The following TNIK variants were observed in gnomAD, a reference collection of about 807,000 sequenced individuals.
TNIK encodes TRAF2 and NCK-interacting protein kinase.
Under a neutral mutation model 191.3 loss-of-function variants are expected in TNIK, and 49 were observed. That is an observed-to-expected ratio of 0.26 (90% CI 0.20 to 0.32). The LOEUF (loss-of-function observed/expected upper bound fraction) is 0.32, where lower values mean the gene tolerates loss of function less well. Ranked by LOEUF, TNIK falls within the 10% of genes least tolerant of loss-of-function variation. The pLI is 1.00. For synonymous variants in TNIK, 594 were observed against 600.9 expected (o/e 0.99, Z 0.17); for missense variants, 1,155 against 1,702.3 (o/e 0.68, Z 5.66).
At chr3:171,241,651 A>G (rs1175339446) in intron 2 of TNIK, among the ~76,000 whole-genome samples, 1 of 152,242 alleles carries the variant, frequency 6.6e-6, no homozygotes, top group Non-Finnish European at 1.5e-5. Context: ...ATAGAAGCAG[A>G]GGTAACTGCA....
At chr3:171,337,072 C>CT (rs1036232796) in intron 2 of TNIK, among the ~76,000 whole-genome samples, 2 of 152,218 alleles carry the variant, frequency 1.3e-5, no homozygotes, top group African/African-American at 2.4e-5. Flanking sequence ...GAAGTACCTA[C>CT]TGCCCACCCC....
intron 4 of TNIK, among the ~76,000 whole-genome samples, chr3:171,199,247 T>C (rs1490454680): frequency 6.7e-6 from 1 of 150,164 alleles, no homozygotes; most frequent in East Asian, 1.9e-4. Context: ...TAGCAATTGG[T>C]TCCTACAGCC....
At chr3:171,311,271 C>A (rs150356290) in intron 2 of TNIK, among the ~76,000 whole-genome samples, 4 of 151,280 alleles carry the variant, frequency 2.6e-5, no homozygotes, top group Non-Finnish European at 4.4e-5. Context: ...TAGTTTTGCG[C>A]GAAGTATTTG....
chr3:171,121,544 G>A (rs574150279), intron 18 of TNIK, among the ~76,000 whole-genome samples: 2 of 152,356 alleles, frequency 1.3e-5, no homozygotes, highest in South Asian at 4.1e-4. Context: ...ACCACGTGGA[G>A]CAAGAGGTAC....
rs1222531313 is a variant in TNIK, at chr3:171,068,848, A to G, written c.3699T>C (p.His1233=). The G allele has an allele frequency of 1.2e-6, 2 of 1,612,418 alleles. No individual in the cohort carries two copies. The highest frequency in any genetic ancestry group is 1.7e-5 in the Admixed American group (1 of 59,854). Reference sequence around the variant, plus strand: ...TGAAAGTCTACTTCTGAGTACTTACATGAGATGGTATGTAGATATCATAAG... The same window carrying G: ...TGAAAGTCTACTTCTGAGTACTTACGTGAGATGGTATGTAGATATCATAAG... ...GNSYDIYIPS[H]IQGNITPHAI... is the part of the protein sequence containing the mutation. The change falls in exon 30 of 33, where the codon CAT becomes CAC. Residue 1233 remains histidine, a splice_region_variant and synonymous_variant. Coordinates refer to ENST00000436636, the MANE Select transcript of TNIK (RefSeq NM_015028.4).
intron 15 of TNIK, among the ~76,000 whole-genome samples, chr3:171,130,128 T>G (rs1560155875): frequency 6.6e-6 from 1 of 152,234 alleles, no homozygotes; most frequent in Non-Finnish European, 1.5e-5. Flanking sequence ...CTAAAAGTCT[T>G]TATTCATTTT....
At chr3:171,219,609 G>A (rs1340664683) in intron 3 of TNIK, among the ~76,000 whole-genome samples, 1 of 152,064 alleles carries the variant, frequency 6.6e-6, no homozygotes, top group Non-Finnish European at 1.5e-5. Context: ...CTCAAAAGAA[G>A]ACATTTATGC....
intron 15 of TNIK, among the ~76,000 whole-genome samples, chr3:171,136,544 A>G (rs1009945950): frequency 7.9e-5 from 12 of 152,206 alleles, no homozygotes; most frequent in African/African-American, 2.9e-4. Context: ...CTAATAGGAC[A>G]AGCTCGTCCA....
Position 171,126,100 on chromosome 3 carries a change from G to T in TNIK, c.1825C>A (p.Gln609Lys). 1.3e-6 allele frequency: 2 copies of T among 1,595,084 alleles called. No individual in the cohort carries two copies. Among genetic ancestry groups the T allele is most frequent in the Non-Finnish European group, 1.7e-6 (2 of 1,170,568 alleles). Residue 609 changes from glutamine (Q) to lysine (K), a missense_variant, in exon 17 of 33, where the codon CAG (glutamine) becomes AAG (lysine). Gln to Lys is a moderately conservative substitution (Grantham distance 53, BLOSUM62 1). Transcript: ENST00000436636. ...KSQGPALTAS[Q>K]SVHEQPTKGL... is the part of the protein sequence containing the mutation. ...TTTGTGGGCTGCTCGTGCACTGACT[G>T]GGAGGCGGTCAAGGCAGGTCCCTGG...
At chr3:171,242,371 C>T (rs1418079002) in intron 2 of TNIK, among the ~76,000 whole-genome samples, 1 of 152,148 alleles carries the variant, frequency 6.6e-6, no homozygotes, top group Non-Finnish European at 1.5e-5. Context: ...TGGTCAAAGA[C>T]TCATAAGCAG....
chr3:171,091,738 A>T (rs1398138185), intron 23 of TNIK, among the ~76,000 whole-genome samples: 6 of 151,372 alleles, frequency 4.0e-5, no homozygotes, highest in South Asian at 2.1e-4. Flanking sequence ...CCATCTCCAA[A>T]AATAATAATA....
intron 2 of TNIK, among the ~76,000 whole-genome samples, chr3:171,277,334 G>A (rs910886558): frequency 6.6e-6 from 1 of 152,022 alleles, no homozygotes; most frequent in Admixed American, 6.6e-5. Context: ...AACAGACTAA[G>A]ACACTAATAA....
chr3:171,270,672 C>T (rs1421228152), intron 2 of TNIK, among the ~76,000 whole-genome samples: 5 of 152,328 alleles, frequency 3.3e-5, no homozygotes, highest in Middle Eastern at 3.4e-3. Flanking sequence ...CCCCTGCCTA[C>T]TGCCCCAGCT....
At chr3:171,377,144 C>T (rs925842861) in intron 1 of TNIK, among the ~76,000 whole-genome samples, 5 of 152,156 alleles carry the variant, frequency 3.3e-5, no homozygotes, top group Non-Finnish European at 7.3e-5. Flanking sequence ...TAGAGCTGTT[C>T]CTGGCTAGTG....
intron 2 of TNIK, among the ~76,000 whole-genome samples, chr3:171,288,755 C>A (rs565957140): frequency 1.4e-5 from 2 of 145,406 alleles, no homozygotes; most frequent in South Asian, 4.3e-4. Flanking sequence ...TTGCAGTGAG[C>A]TGAGATTGCA....
At chr3:171,175,811 C>T (rs1735888161) in intron 8 of TNIK, among the ~76,000 whole-genome samples, 1 of 152,146 alleles carries the variant, frequency 6.6e-6, no homozygotes, top group Admixed American at 6.5e-5. Context: ...TTTTGGAGTC[C>T]AAAACACCAG....
At chr3:171,114,000 A>T (rs1726291492) in intron 18 of TNIK, among the ~76,000 whole-genome samples, 2 of 7,102 alleles carry the variant, frequency 2.8e-4, no homozygotes, top group South Asian at 2.3e-3. Flanking sequence ...GATTTTGTTA[A>T]AAAAAAAAAA....
intron 2 of TNIK, among the ~76,000 whole-genome samples, chr3:171,241,094 G>A (rs1388765646): frequency 6.6e-6 from 1 of 150,612 alleles, no homozygotes. Context: ...GCAACGGCAC[G>A]ATCTTGGCTC....
At chr3:171,405,907 T>C (rs1170871016) in intron 1 of TNIK, among the ~76,000 whole-genome samples, 1 of 152,198 alleles carries the variant, frequency 6.6e-6, no homozygotes, top group African/African-American at 2.4e-5. Context: ...AGTAAGAACT[T>C]AGGGAAAAGC....
Sources: allele counts gnomAD v4.1 joint callset (sites outside exome capture counted in the v4.1 genomes callset), GRCh38; gene constraint gnomAD v4.1.1; transcripts MANE v1.5; gene names NCBI Gene and HGNC (gene_info 2026-07-23, HGNC 2026-07-21).